The following PTK2 variants were observed in gnomAD, a reference collection of about 807,000 sequenced individuals.
PTK2 encodes the protein protein tyrosine kinase 2.
In PTK2, 45 loss-of-function variants were observed where a neutral mutation model predicts 150.1. The observed-to-expected ratio is 0.30, with a 90% CI of 0.24 to 0.38. PTK2 has a LOEUF of 0.38. Among genes scored for constraint, PTK2 ranks in the 10% least tolerant of loss-of-function variants. PTK2 has a pLI of 1.00. For synonymous variants in PTK2, 432 were observed against 449.2 expected (o/e 0.96, Z 0.48); for missense variants, 919 against 1,307.3 (o/e 0.70, Z 4.58).
intron 1 of PTK2, among the ~76,000 whole-genome samples, chr8:140,927,975 A>ATATATATAT (rs1367767247): frequency 0.01 from 491 of 48,070 alleles, 3 homozygotes; most frequent in South Asian, 0.014. Context: ...AAAAAAAAAA[A>ATATATATAT]ATATATATAT....
intron 1 of PTK2, among the ~76,000 whole-genome samples, chr8:140,928,138 G>A (rs532751445): frequency 2.1e-4 from 31 of 151,102 alleles, no homozygotes; most frequent in South Asian, 1.3e-3. Context: ...TTTCCCTCCC[G>A]TATGCTTTTG....
At chr8:140,793,271 T>A (rs2100089600) in intron 13 of PTK2, 83 bp downstream of exon 13, 1 of 1,456,174 alleles carries the variant, frequency 6.9e-7, no homozygotes, top group South Asian at 1.3e-5. Context: ...TTAATTTTTT[T>A]AGGAAAATGA....
At chr8:140,832,794 T>C (rs909324001) in intron 7 of PTK2, 2 of 516,356 alleles carry the variant, frequency 3.9e-6, no homozygotes, top group African/African-American at 1.9e-5. Flanking sequence ...GTTTTAGACA[T>C]GTGAGGGCCT....
At chr8:140,818,784 A>G in intron 9 of PTK2, 96 bp downstream of exon 9, 1 of 1,332,884 alleles carries the variant, frequency 7.5e-7, no homozygotes, top group East Asian at 2.5e-5. Flanking sequence ...AAATGGGACA[A>G]GTTAGCATTT....
chr8:140,859,393 C>T (rs566272144), intron 5 of PTK2, among the ~76,000 whole-genome samples: 2 of 152,112 alleles, frequency 1.3e-5, no homozygotes, highest in Non-Finnish European at 1.5e-5. Context: ...TCAATTATCA[C>T]ACCTTATAAA....
intron 7 of PTK2, among the ~76,000 whole-genome samples, chr8:140,842,762 A>C (rs540908748): frequency 2.6e-5 from 4 of 152,166 alleles, no homozygotes; most frequent in African/African-American, 4.8e-5. Flanking sequence ...GGACAGCAAA[A>C]TAAGCACAAT....
intron 4 of PTK2, among the ~76,000 whole-genome samples, chr8:140,869,675 C>T (rs909306748): frequency 6.6e-6 from 1 of 151,866 alleles, no homozygotes; most frequent in African/African-American, 2.4e-5. Context: ...AATGGGCACA[C>T]CTCTAATTTA....
chr8:140,773,065 C>G lies in PTK2; in HGVS notation c.1178-8775G>C, dbSNP rs529382568. 1.6e-4 allele frequency among the ~76,000 whole-genome samples: 24 copies of G among 152,366 alleles called. No individual in the cohort carries two copies. In the East Asian group the frequency reaches 4.1e-3, roughly 26 times the overall value. On this transcript the variant is annotated intron_variant, in intron 14 of 31. Transcript: ENST00000522684. ...CACCCAGAACAGAGTGACCACTCCA[C>G]AAGTGCTAGCTCTTCTTACTTTTCT...
At chr8:140,733,763 C>T (rs1041526426) in intron 22 of PTK2, among the ~76,000 whole-genome samples, 1 of 152,134 alleles carries the variant, frequency 6.6e-6, no homozygotes, top group African/African-American at 2.4e-5. Flanking sequence ...GAAGGCCTAT[C>T]GTGTGAAAGG....
rs183213261 is a variant in PTK2, at chr8:140,724,252, A to C, written c.2031-6543T>G. Among the ~76,000 whole-genome samples the C allele has an allele frequency of 4.1e-3, 629 of 152,346 alleles. 6 individuals are homozygous for C. Among genetic ancestry groups the C allele is most frequent in the African/African-American group, 0.015 (607 of 41,580 alleles). The stretch of plus-strand genomic sequence containing the variant: ...TCTACCCTAACTATTGTTAGAATGG[A>C]AAAACAACATATGTATTAATAAAAA... On this transcript the variant is annotated intron_variant, in intron 22 of 31. Coordinates refer to ENST00000522684, the Ensembl canonical transcript of PTK2.
chr8:140,995,119 T>C (rs62521954), intron 1 of PTK2, among the ~76,000 whole-genome samples: 264 of 147,924 alleles, frequency 1.8e-3, no homozygotes, highest in Middle Eastern at 7.2e-3. Context: ...CGTGGCTCAC[T>C]CCTATAATCC....
At chr8:141,000,432 G>T (rs944280058) in intron 1 of PTK2, among the ~76,000 whole-genome samples, 1 of 152,142 alleles carries the variant, frequency 6.6e-6, no homozygotes, top group African/African-American at 2.4e-5. Flanking sequence ...CCCGGGGGAC[G>T]GAGGTCGGGC....
intron 1 of PTK2, among the ~76,000 whole-genome samples, chr8:140,989,438 G>A (rs562904503): frequency 2.0e-5 from 3 of 151,026 alleles, no homozygotes; most frequent in East Asian, 1.9e-4. Context: ...CAGTGAAACC[G>A]CATGCCACAA....
At chr8:140,875,896 A>G (rs990296490) in intron 4 of PTK2, among the ~76,000 whole-genome samples, 5 of 152,228 alleles carry the variant, frequency 3.3e-5, no homozygotes, top group Non-Finnish European at 2.9e-5. Flanking sequence ...TGAATGGTCA[A>G]TGAAGGAAAA....
chr8:140,981,739 T>C (rs1267865499), intron 1 of PTK2, among the ~76,000 whole-genome samples: 1 of 152,200 alleles, frequency 6.6e-6, no homozygotes, highest in East Asian at 1.9e-4. Context: ...ATGGATGCTG[T>C]AGCACTGTAC....
chr8:140,849,945 A>G (rs1456749310), intron 5 of PTK2, among the ~76,000 whole-genome samples: 1 of 152,172 alleles, frequency 6.6e-6, no homozygotes. Context: ...AGATTAACAA[A>G]TAGGAACCAC....
At chr8:140,862,798 A>T (rs982870864) in intron 5 of PTK2, among the ~76,000 whole-genome samples, 11 of 152,168 alleles carry the variant, frequency 7.2e-5, no homozygotes, top group Non-Finnish European at 1.3e-4. Flanking sequence ...TGATGATCTG[A>T]GGTCAAACAG....
chr8:140,877,343 T>A (rs1026552664), intron 4 of PTK2, among the ~76,000 whole-genome samples: 1 of 152,142 alleles, frequency 6.6e-6, no homozygotes, highest in Non-Finnish European at 1.5e-5. Flanking sequence ...CAACTTTCAC[T>A]AATCTTAAAA....
In PTK2 at chr8:140,685,331, C is replaced by T. The variant is rs185988109; in HGVS notation, c.2562+1301G>A. 2.2e-3 allele frequency among the ~76,000 whole-genome samples: 340 copies of T among 152,288 alleles called. 4 individuals are homozygous for T. Among genetic ancestry groups the T allele is most frequent in the African/African-American group, 6.9e-3 (287 of 41,556 alleles). On this transcript the variant is annotated intron_variant, in intron 27 of 31. Coordinates refer to ENST00000522684, the Ensembl canonical transcript of PTK2. ...GGAAATACTATTCTGGACATAGGCC[C>T]TTGCAAAGATTTCATGACGAGGACA... is the stretch of plus-strand genomic sequence containing the variant.
Sources: allele counts gnomAD v4.1 joint callset (sites outside exome capture counted in the v4.1 genomes callset), GRCh38; gene constraint gnomAD v4.1.1; transcripts MANE v1.5; gene names NCBI Gene and HGNC (gene_info 2026-07-23, HGNC 2026-07-21).